SYN3: variants seen among roughly 807,000 people sequenced by gnomAD.
The protein encoded by SYN3 is synapsin-3.
A neutral mutation model predicts 65.8 loss-of-function variants in SYN3; 35 were observed. The ratio of observed to expected loss-of-function variants is 0.53; its 90% CI spans 0.41 to 0.70. The LOEUF (loss-of-function observed/expected upper bound fraction) is 0.70, where lower values mean the gene tolerates loss of function less well. SYN3 is among the 30% of genes least tolerant of loss of function. SYN3 has a pLI of 0.00. For synonymous variants in SYN3, 270 were observed against 292.9 expected, an observed-to-expected ratio of 0.92 and a Z score of 0.80; for missense variants, 680 against 749.0, an observed-to-expected ratio of 0.91 and a Z score of 1.08.
intron 6 of SYN3, among the ~76,000 whole-genome samples, chr22:32,772,714 C>A (rs1330748159): frequency 6.6e-6 from 1 of 152,090 alleles, no homozygotes; most frequent in Admixed American, 6.5e-5. Context: ...GTGTAGGAGA[C>A]CATGAGGCCA....
rs1483937185 is a variant in SYN3 at position 32,759,799 on chromosome 22, C to T, written c.711+105116G>A. Among the ~76,000 whole-genome samples the T allele has an allele frequency of 8.7e-5, 9 of 103,728 alleles. 1 individual carries two copies. The highest frequency in any genetic ancestry group is 4.8e-4 in the Admixed American group (5 of 10,332). The allele number at this position is 103,728 out of a possible 152,430, so 68.0% of individuals were successfully genotyped here. Reference sequence around the variant, plus strand: ...CCACGGCACCCCCAGCCAGCACCCACGCACCACCAGCCAGCACCCACCCAC... The same window carrying T: ...CCACGGCACCCCCAGCCAGCACCCATGCACCACCAGCCAGCACCCACCCAC... On this transcript the variant is annotated intron_variant, in intron 6 of 13. Coordinates refer to ENST00000358763, the MANE Select transcript of SYN3 (RefSeq NM_003490.4).
At chr22:32,593,709 G>A (rs1345088924) in intron 7 of SYN3, among the ~76,000 whole-genome samples, 1 of 152,128 alleles carries the variant, frequency 6.6e-6, no homozygotes, top group Non-Finnish European at 1.5e-5. Flanking sequence ...TAGAGATGTA[G>A]AGGACATAAC....
chr22:32,645,320 G>A (rs5754181), intron 6 of SYN3, among the ~76,000 whole-genome samples: 54,700 of 151,312 alleles, frequency 0.36, 11,386 homozygotes, highest in East Asian at 0.89. Context: ...GCATGGTGGC[G>A]CATGCCTGTA....
At chr22:32,725,066 G>A (rs900472620) in intron 6 of SYN3, among the ~76,000 whole-genome samples, 5 of 152,116 alleles carry the variant, frequency 3.3e-5, no homozygotes, top group Admixed American at 1.3e-4. Context: ...CCAGTGAGCC[G>A]AGATCGCGCC....
intron 5 of SYN3, among the ~76,000 whole-genome samples, chr22:32,866,022 G>A (rs764007434): frequency 1.3e-5 from 2 of 152,170 alleles, no homozygotes; most frequent in African/African-American, 4.8e-5. Flanking sequence ...GATGAGAGAC[G>A]AGGTGGAAGC....
chr22:32,919,984 A>G (rs9609655), intron 4 of SYN3, among the ~76,000 whole-genome samples: 16,089 of 152,214 alleles, frequency 0.11, 1,366 homozygotes, highest in East Asian at 0.43. Context: ...TCTTGCCCCA[A>G]ACATCCTCCC....
At chr22:32,750,615 A>C (rs1422389722) in intron 6 of SYN3, among the ~76,000 whole-genome samples, 1 of 152,110 alleles carries the variant, frequency 6.6e-6, no homozygotes, top group Non-Finnish European at 1.5e-5. Flanking sequence ...TACACTTTGC[A>C]GTGTCATCCT....
At chr22:32,788,316 C>T (rs572637349) in intron 6 of SYN3, among the ~76,000 whole-genome samples, 6 of 152,058 alleles carry the variant, frequency 3.9e-5, no homozygotes, top group East Asian at 1.9e-4. Context: ...CCAAGATGGA[C>T]GAATCACGAG....
chr22:32,540,930 C>A (rs761431244), intron 8 of SYN3, among the ~76,000 whole-genome samples: 12 of 152,214 alleles, frequency 7.9e-5, no homozygotes, highest in Non-Finnish European at 1.8e-4. Context: ...TTATTTCTGG[C>A]TGCCCACCTT....
intron 7 of SYN3, among the ~76,000 whole-genome samples, chr22:32,586,456 T>C (rs147051490): frequency 1.3e-5 from 2 of 152,296 alleles, no homozygotes; most frequent in East Asian, 1.9e-4. Flanking sequence ...ATGAAACTTA[T>C]CTAACACATC....
In SYN3 at chr22:32,583,109, A is replaced by G. The variant is rs922500631; in HGVS notation, c.774+13565T>C. Among the ~76,000 whole-genome samples, 3 of 152,138 alleles carry G rather than the reference A, an allele frequency of 2.0e-5. No homozygotes were observed. The East Asian group carries it at 5.8e-4, about 29-fold the overall frequency. ...AGGGTCTGCCGCTAGTGTCCTATTG[A>G]TCTGGAGGCTTAATGGAGGCAGATG... On this transcript the variant is annotated intron_variant, in intron 7 of 13. Coordinates refer to ENST00000358763, the MANE Select transcript of SYN3 (RefSeq NM_003490.4).
intron 6 of SYN3, among the ~76,000 whole-genome samples, chr22:32,633,139 G>A (rs2059768847): frequency 6.6e-6 from 1 of 152,152 alleles, no homozygotes; most frequent in South Asian, 2.1e-4. Flanking sequence ...AAAGATGAAG[G>A]GATTTGACGT....
chr22:32,796,518 C>A (rs984553348), intron 6 of SYN3, among the ~76,000 whole-genome samples: 1 of 152,094 alleles, frequency 6.6e-6, no homozygotes, highest in South Asian at 2.1e-4. Flanking sequence ...AGGTGTTTAC[C>A]CCCTGCTGGT....
rs528213549 is a variant in SYN3, at chr22:32,832,520, C to G, written c.711+32395G>C. Among the ~76,000 whole-genome samples, 3 of 149,848 alleles carry G rather than the reference C, an allele frequency of 2.0e-5. No homozygotes were observed. The East Asian group carries it at 5.8e-4, about 29-fold the overall frequency. ...CCAGGGCTCTTCTTGCTATTCAATA[C>G]TTTCTACGTAATAAGCCTGGGTTTT... On this transcript the variant is annotated intron_variant, in intron 6 of 13. Transcript: ENST00000358763.
Position 32,807,394 on chromosome 22 carries a change from A to T in SYN3, c.711+57521T>A, listed in dbSNP as rs7291225. On this transcript the variant is annotated intron_variant, in intron 6 of 13. Transcript: ENST00000358763. ...ATTATATATAATATATATTATATATAATATATATATATTATATTTACATAT... is the reference window on the plus strand; with the variant it reads ...ATTATATATAATATATATTATATATTATATATATATATTATATTTACATAT... Among the ~76,000 whole-genome samples the T allele has an allele frequency of 3.6e-3, 359 of 100,598 alleles. 1 individual carries two copies. The highest frequency in any genetic ancestry group is 0.01 in the African/African-American group (262 of 25,588). 66.0% of individuals were successfully genotyped at this position (100,598 alleles called of 152,430 possible).
At chr22:32,908,520 T>C (rs2049965180) in intron 4 of SYN3, among the ~76,000 whole-genome samples, 1 of 151,612 alleles carries the variant, frequency 6.6e-6, no homozygotes. Flanking sequence ...GCCTCCCAAG[T>C]AGCTGGAACT....
At chr22:32,639,414 C>T (rs1410706432) in intron 6 of SYN3, among the ~76,000 whole-genome samples, 2 of 152,196 alleles carry the variant, frequency 1.3e-5, no homozygotes, top group African/African-American at 2.4e-5. Flanking sequence ...TGTAGGTGTG[C>T]AGCTTTATTC....
chr22:32,924,943 T>G (rs565231204), intron 4 of SYN3, among the ~76,000 whole-genome samples: 68 of 152,072 alleles, frequency 4.5e-4, no homozygotes, highest in African/African-American at 1.6e-3. Context: ...AATTTAAAAC[T>G]TAGGCAGGCA....
intron 6 of SYN3, among the ~76,000 whole-genome samples, chr22:32,670,442 G>A (rs2147059587): frequency 6.6e-6 from 1 of 152,294 alleles, no homozygotes; most frequent in African/African-American, 2.4e-5. Context: ...ACAGAGAGAG[G>A]ACTAAACATT....
Sources: gnomAD v4.1 joint callset for allele counts (sites outside exome capture counted in the v4.1 genomes callset) on GRCh38, gnomAD v4.1.1 for gene constraint, MANE v1.5 for transcripts, NCBI Gene and HGNC (gene_info 2026-07-23, HGNC 2026-07-21) for gene names.